BAIAP2: variants seen among roughly 807,000 people sequenced by gnomAD.
The protein encoded by BAIAP2 is BAR/IMD domain-containing adapter protein 2.
A neutral mutation model predicts 63.0 loss-of-function variants in BAIAP2; 18 were observed. That is an observed-to-expected ratio of 0.29 (90% CI 0.20 to 0.42). BAIAP2 has a LOEUF of 0.42. Ranked by LOEUF, BAIAP2 falls within the 10% of genes least tolerant of loss-of-function variation. The pLI, the probability that BAIAP2 is intolerant of heterozygous loss-of-function variation, is 1.00. For missense variants in BAIAP2, 610 were observed against 734.3 expected (o/e 0.83, Z 1.96); for synonymous variants, 386 against 307.6 (o/e 1.25, Z -2.67).
At chr17:81,108,616 C>A (rs2059464038) in intron 13 of BAIAP2, 107 bp downstream of exon 13, 3 of 1,402,376 alleles carry the variant, frequency 2.1e-6, no homozygotes, top group Non-Finnish European at 3.0e-6. Context: ...TCCTTTAGGG[C>A]CCAGCCTGGC....
Position 81,103,977 on chromosome 17 carries a change from C to G in BAIAP2, c.935C>G (p.Pro312Arg), listed in dbSNP as rs754765663. Residue 312 changes from proline (P) to arginine (R), a missense_variant, in exon 9 of 14, where the codon CCG (proline) becomes CGG (arginine). Pro to Arg is a moderately radical substitution (Grantham distance 103). Transcript: ENST00000428708. The stretch of plus-strand genomic sequence containing the variant: ...GGCCCGGATGGCGAGGACTACAGCC[C>G]GTGGGCTGACCGCAAGGCTGCCCAG... Reference protein sequence around the residue: ...VTGPDGEDYSPWADRKAAQPK... With the variant: ...VTGPDGEDYSRWADRKAAQPK... 1 of 1,613,082 alleles carries G rather than the reference C, an allele frequency of 6.2e-7. No individual in the cohort carries two copies. The highest frequency in any genetic ancestry group is 2.2e-5 in the East Asian group (1 of 44,872).
chr17:81,038,255 C>T (rs930234458), intron 1 of BAIAP2, among the ~76,000 whole-genome samples: 1 of 152,246 alleles, frequency 6.6e-6, no homozygotes, highest in Non-Finnish European at 1.5e-5. Context: ...CCCGTGCATC[C>T]CTGTGTGCTG....
intron 4 of BAIAP2, chr17:81,085,378 C>T (rs1318629966): frequency 1.6e-6 from 1 of 616,372 alleles, no homozygotes; most frequent in Non-Finnish European, 3.0e-6. Context: ...CAGCATGGGA[C>T]AGCAGAGGAA....
At chr17:81,045,483 T>C (rs1189251122) in intron 1 of BAIAP2, among the ~76,000 whole-genome samples, 4 of 151,846 alleles carry the variant, frequency 2.6e-5, no homozygotes, top group African/African-American at 9.7e-5. Context: ...GCAGGCAGCA[T>C]GAGGGAAGGA....
chr17:81,105,828 G>A (rs72634328), intron 10 of BAIAP2: 112,260 of 432,088 alleles, frequency 0.26, 15,688 homozygotes, highest in East Asian at 0.42. Context: ...CTGGGGCCTT[G>A]CAGTTGGGTC....
chr17:81,057,751 G>A (rs931182542), intron 2 of BAIAP2, 130 bp from the exon 3 acceptor site: 248 of 1,415,596 alleles, frequency 1.8e-4, no homozygotes, highest in South Asian at 3.0e-4. Flanking sequence ...ACAGCGAGTC[G>A]AGTATTCTCC....
In BAIAP2 at chr17:81,036,825, T is replaced by G. The variant is rs1009926151; in HGVS notation, c.54+1517T>G. 5.4e-6 allele frequency: 8 copies of G among 1,480,302 alleles called. No homozygotes were observed. The African/African-American group carries it at 1.1e-4, about 21-fold the overall frequency. The allele number at this position is 1,480,302 out of a possible 1,614,324, so 91.7% of individuals were successfully genotyped here. A position where few individuals can be genotyped will look rare whatever the true frequency, so the allele number is the denominator to read the frequency against. Reference sequence around the variant, plus strand: ...AAGGGAGGGAGGTTTATTAAATTATTAGTCATTAGCTCCATTACGACTTGT... The same window carrying G: ...AAGGGAGGGAGGTTTATTAAATTATGAGTCATTAGCTCCATTACGACTTGT... On this transcript the variant is annotated intron_variant, in intron 1 of 13. Transcript: ENST00000428708.
At chr17:81,104,143 C>T (rs1275742934) in intron 9 of BAIAP2, 35 bp downstream of exon 9, 5 of 1,606,484 alleles carry the variant, frequency 3.1e-6, no homozygotes, top group Non-Finnish European at 4.3e-6. Flanking sequence ...GCTGGGGTCC[C>T]TGGACGTGCC....
intron 1 of BAIAP2, among the ~76,000 whole-genome samples, chr17:81,048,115 T>C (rs1409095359): frequency 1.3e-5 from 2 of 152,178 alleles, no homozygotes; most frequent in African/African-American, 4.8e-5. Context: ...CCGGGAGCAG[T>C]GGCTCTCGCC....
chr17:81,050,752 C>CATGCACACATGCATGTGTGT (rs1227046947), intron 1 of BAIAP2, among the ~76,000 whole-genome samples: 2,101 of 150,580 alleles, frequency 0.014, 23 homozygotes, highest in South Asian at 0.056. Context: ...CGTGGACACA[C>CATGCACACATGCATGTGTGT]ATGCACACAT....
In BAIAP2 at chr17:81,055,574, G is replaced by GTTTTTTGTTTTT. The variant is rs370775327; in HGVS notation, c.130+1837_130+1838insGTTTTTTTTTTT. On this transcript the variant is annotated intron_variant, in intron 2 of 13. Coordinates refer to ENST00000428708, the MANE Select transcript of BAIAP2 (RefSeq NM_001144888.2). ...CCAGCGAAAGTCTGCAGGGTGTTTTGTTTTTTTTTGAGACGGAGTCTCACT... is the reference window on the plus strand; with the variant it reads ...CCAGCGAAAGTCTGCAGGGTGTTTTGTTTTTTGTTTTTTTTTTTTTTGAGACGGAGTCTCACT... Among the ~76,000 whole-genome samples the GTTTTTTGTTTTT allele has an allele frequency of 1.1e-4, 14 of 123,406 alleles. 1 individual carries two copies. The highest frequency in any genetic ancestry group is 1.7e-4 in the African/African-American group (6 of 34,790). The allele number at this position is 123,406 out of a possible 152,430, so 81.0% of individuals were successfully genotyped here.
At chr17:81,073,130 G>A (rs2052999654) in intron 3 of BAIAP2, among the ~76,000 whole-genome samples, 1 of 152,048 alleles carries the variant, frequency 6.6e-6, no homozygotes, top group Non-Finnish European at 1.5e-5. Context: ...GTGGCGTGGG[G>A]CCTTCTGTCC....
chr17:81,088,022 A>T (rs2056011089), intron 6 of BAIAP2, among the ~76,000 whole-genome samples: 1 of 151,854 alleles, frequency 6.6e-6, no homozygotes, highest in Non-Finnish European at 1.5e-5. Context: ...GGGCATGGGG[A>T]GTTGAGGAGG....
At chr17:81,068,260 G>A (rs2051876373) in intron 3 of BAIAP2, among the ~76,000 whole-genome samples, 1 of 152,236 alleles carries the variant, frequency 6.6e-6, no homozygotes, top group African/African-American at 2.4e-5. Flanking sequence ...TCTCCCAGGA[G>A]CAATGTTCCC....
intron 7 of BAIAP2, among the ~76,000 whole-genome samples, chr17:81,103,081 T>C (rs1174155588): frequency 6.6e-6 from 1 of 152,182 alleles, no homozygotes; most frequent in African/African-American, 2.4e-5. Context: ...CGGGGCTGCC[T>C]TCCTGCCCTC....
At chr17:81,106,717 GGCC>G (rs1471797861) in intron 11 of BAIAP2, 25 bp from the exon 12 acceptor site, 3 of 1,612,064 alleles carry the variant, frequency 1.9e-6, no homozygotes, top group Non-Finnish European at 2.5e-6. Flanking sequence ...CGGCCTGCTG[GGCC>G]GCCTCTGAGT....
chr17:81,045,155 C>G (rs1435755841), intron 1 of BAIAP2, among the ~76,000 whole-genome samples: 1 of 152,222 alleles, frequency 6.6e-6, no homozygotes, highest in Non-Finnish European at 1.5e-5. Context: ...TTGTGGACCT[C>G]TGCTCCTTGG....
chr17:81,071,762 G>A (rs1024189852), intron 3 of BAIAP2, among the ~76,000 whole-genome samples: 6 of 152,236 alleles, frequency 3.9e-5, no homozygotes, highest in Non-Finnish European at 7.3e-5. Context: ...ATCCCGCACC[G>A]CCACGAGCTG....
intron 9 of BAIAP2, 135 bp downstream of exon 9, chr17:81,104,243 C>T (rs895770696): frequency 2.0e-5 from 20 of 1,008,766 alleles, no homozygotes; most frequent in Admixed American, 4.6e-5. Context: ...TACCTACATG[C>T]ATGTGGTACA....
Sources: allele counts gnomAD v4.1 joint callset (sites outside exome capture counted in the v4.1 genomes callset), GRCh38; gene constraint gnomAD v4.1.1; transcripts MANE v1.5; gene names NCBI Gene and HGNC (gene_info 2026-07-23, HGNC 2026-07-21).